The following SERGEF variants were observed in gnomAD, a reference collection of about 807,000 sequenced individuals.
SERGEF encodes secretion regulating guanine nucleotide exchange factor.
SERGEF carries 51 observed loss-of-function variants against 50.0 expected under a neutral mutation model. The ratio of observed to expected loss-of-function variants is 1.02; its 90% CI spans 0.81 to 1.29. The LOEUF (loss-of-function observed/expected upper bound fraction) is 1.29. Among genes scored for constraint, SERGEF ranks in the 50% most tolerant of loss-of-function variants. SERGEF has a pLI of 0.00. For synonymous variants in SERGEF, 205 were observed against 212.4 expected (o/e 0.97, Z 0.30); for missense variants, 521 against 557.0 (o/e 0.94, Z 0.65).
chr11:17,879,238 A>T (rs541325924), intron 9 of SERGEF, among the ~76,000 whole-genome samples: 2 of 152,344 alleles, frequency 1.3e-5, no homozygotes, highest in South Asian at 4.1e-4. Context: ...CAGTCTCCAT[A>T]TGTCCCAACT....
At chr11:17,997,016 G>C (rs1024575837) in intron 5 of SERGEF, among the ~76,000 whole-genome samples, 14 of 152,134 alleles carry the variant, frequency 9.2e-5, no homozygotes, top group African/African-American at 3.1e-4. Flanking sequence ...AAAAGCCTGG[G>C]CAATATAGTG....
intron 9 of SERGEF, among the ~76,000 whole-genome samples, chr11:17,942,960 T>C (rs1424470673): frequency 6.6e-6 from 1 of 152,146 alleles, no homozygotes; most frequent in African/African-American, 2.4e-5. Context: ...TTGGTCATGA[T>C]ATATTATCCT....
intron 10 of SERGEF, among the ~76,000 whole-genome samples, chr11:17,845,960 G>T (rs1294366064): frequency 6.6e-6 from 1 of 152,158 alleles, no homozygotes; most frequent in African/African-American, 2.4e-5. Context: ...TTAAATGCTT[G>T]TTGAGTGAAT....
intron 10 of SERGEF, among the ~76,000 whole-genome samples, chr11:17,838,894 C>T (rs1850451948): frequency 6.6e-6 from 1 of 152,134 alleles, no homozygotes. Context: ...TCAGGCTGCC[C>T]CTTAGAAGAC....
chr11:17,955,623 G>C (rs1852853162), intron 9 of SERGEF, among the ~76,000 whole-genome samples: 4 of 152,174 alleles, frequency 2.6e-5, no homozygotes. Context: ...TGCAAGTTCT[G>C]GGAAGACCAG....
chr11:17,873,163 C>T (rs1851177231), intron 10 of SERGEF, among the ~76,000 whole-genome samples: 1 of 152,136 alleles, frequency 6.6e-6, no homozygotes, highest in Non-Finnish European at 1.5e-5. Context: ...CAGCATCGGT[C>T]CACAGGCTCT....
At chr11:17,973,254 C>T (rs1179028995) in intron 8 of SERGEF, among the ~76,000 whole-genome samples, 4 of 152,174 alleles carry the variant, frequency 2.6e-5, no homozygotes, top group African/African-American at 9.7e-5. Context: ...TGCAGACCAC[C>T]CTAAGGTCCC....
intron 9 of SERGEF, among the ~76,000 whole-genome samples, chr11:17,954,536 G>A (rs60750776): frequency 5.4e-4 from 82 of 152,278 alleles, no homozygotes; most frequent in African/African-American, 1.9e-3. Flanking sequence ...CACTCATTCC[G>A]ACAGATTGCA....
chr11:17,896,029 T>A (rs1173661141), intron 9 of SERGEF, among the ~76,000 whole-genome samples: 1 of 152,254 alleles, frequency 6.6e-6, no homozygotes, highest in African/African-American at 2.4e-5. Context: ...CTTGTCATTA[T>A]AAAGTGTGTG....
chr11:17,971,029 C>CA (rs1853238115), intron 8 of SERGEF, among the ~76,000 whole-genome samples: 1 of 151,912 alleles, frequency 6.6e-6, no homozygotes, highest in Non-Finnish European at 1.5e-5. Context: ...CCCGTCTCTA[C>CA]AAAAAATACA....
intron 10 of SERGEF, among the ~76,000 whole-genome samples, chr11:17,833,865 A>G (rs770554779): frequency 6.6e-6 from 1 of 152,202 alleles, no homozygotes; most frequent in Non-Finnish European, 1.5e-5. Context: ...ACCCCATGGT[A>G]TCCAGGAAGT....
intron 10 of SERGEF, among the ~76,000 whole-genome samples, chr11:17,871,369 G>A (rs1590168336): frequency 6.6e-6 from 1 of 150,886 alleles, no homozygotes; most frequent in African/African-American, 2.4e-5. Flanking sequence ...GCTGAGGCAG[G>A]AGAATAGCGT....
chr11:17,932,054 T>G (rs1178194630), intron 9 of SERGEF, among the ~76,000 whole-genome samples: 2 of 115,030 alleles, frequency 1.7e-5, no homozygotes, highest in African/African-American at 5.1e-5. Flanking sequence ...TATTGGTGTT[T>G]TGGAAAAAAA....
At chr11:18,001,892 C>T (rs1334749729) in intron 4 of SERGEF, 1 of 435,406 alleles carries the variant, frequency 2.3e-6, no homozygotes, top group Non-Finnish European at 4.6e-6. Flanking sequence ...TACAGGTCCA[C>T]AGTGTCTTTC....
At chr11:17,917,091 A>G (rs759911475) in intron 9 of SERGEF, among the ~76,000 whole-genome samples, 4 of 152,248 alleles carry the variant, frequency 2.6e-5, no homozygotes, top group Non-Finnish European at 2.9e-5. Context: ...AAAAGAAGTC[A>G]TTATACAAAA....
At chr11:17,835,251 C>T (rs899405251) in intron 10 of SERGEF, among the ~76,000 whole-genome samples, 2 of 152,168 alleles carry the variant, frequency 1.3e-5, no homozygotes, top group African/African-American at 2.4e-5. Context: ...AGATGATTTT[C>T]GTTGCCAATA....
intron 10 of SERGEF, among the ~76,000 whole-genome samples, chr11:17,868,871 G>A (rs1851081116): frequency 6.6e-6 from 1 of 152,110 alleles, no homozygotes; most frequent in Admixed American, 6.5e-5. Context: ...ACTATCATGA[G>A]AACAGCATGA....
At chr11:17,821,788 T>C (rs1850090114) in intron 10 of SERGEF, among the ~76,000 whole-genome samples, 1 of 152,210 alleles carries the variant, frequency 6.6e-6, no homozygotes, top group Non-Finnish European at 1.5e-5. Context: ...TGTATATGTG[T>C]CCATCTCACT....
intron 10 of SERGEF, among the ~76,000 whole-genome samples, chr11:17,840,285 C>T (rs907119755): frequency 6.6e-5 from 10 of 152,190 alleles, no homozygotes; most frequent in Non-Finnish European, 1.3e-4. Flanking sequence ...ATGGTAATCG[C>T]GGTTCCAAAT....
Sources: allele counts gnomAD v4.1 joint callset (sites outside exome capture counted in the v4.1 genomes callset), GRCh38; gene constraint gnomAD v4.1.1; transcripts MANE v1.5; gene names NCBI Gene and HGNC (gene_info 2026-07-23, HGNC 2026-07-21).